TBC1D9: variants seen among roughly 807,000 people sequenced by gnomAD.
TBC1D9 encodes the protein TBC1 domain family member 9A.
Under a neutral mutation model 132.0 loss-of-function variants are expected in TBC1D9, and 63 were observed. That is an observed-to-expected ratio of 0.48 (90% CI 0.39 to 0.59). The LOEUF (loss-of-function observed/expected upper bound fraction) is 0.59. Ranked by LOEUF, TBC1D9 falls within the 20% of genes least tolerant of loss-of-function variation. The pLI, the probability that TBC1D9 is intolerant of heterozygous loss-of-function variation, is 0.00. For missense variants in TBC1D9, 1,261 were observed against 1,592.7 expected (o/e 0.79, Z 3.54); for synonymous variants, 610 against 609.9 (o/e 1.00, Z 0.00).
chr4:140,630,449 T>A (rs1434244962), intron 16 of TBC1D9, among the ~76,000 whole-genome samples: 1 of 152,214 alleles, frequency 6.6e-6, no homozygotes, highest in African/African-American at 2.4e-5. Context: ...TGCCCAGATA[T>A]CTGCATTGTC....
At chr4:140,709,474 T>G (rs1336915384) in intron 1 of TBC1D9, among the ~76,000 whole-genome samples, 1 of 150,820 alleles carries the variant, frequency 6.6e-6, no homozygotes, top group African/African-American at 2.4e-5. Context: ...ACTGACACTT[T>G]TGTAAAAATA....
At position 140,669,579 on chromosome 4, in the gene TBC1D9, G is replaced by A. The variant is rs1737502121; in HGVS notation, c.1437+55C>T. On this transcript the variant is annotated intron_variant, in intron 8 of 20. Coordinates refer to ENST00000442267, the MANE Select transcript of TBC1D9 (RefSeq NM_015130.3). ...GAATTTACTTACAGTAAAAAATATTGTTAATGGCATTGTTCAAATCTACAA... is the reference window on the plus strand; with the variant it reads ...GAATTTACTTACAGTAAAAAATATTATTAATGGCATTGTTCAAATCTACAA... 3.3e-6 allele frequency: 5 copies of A among 1,536,870 alleles called. No individual in the cohort carries two copies. In the Admixed American group the frequency reaches 7.4e-5, roughly 23 times the overall value.
chr4:140,639,930 G>A (rs1011584053), intron 13 of TBC1D9, among the ~76,000 whole-genome samples: 5 of 152,120 alleles, frequency 3.3e-5, no homozygotes, highest in East Asian at 1.9e-4. Flanking sequence ...AAGCTCCTTC[G>A]TACCCCCTAA....
chr4:140,624,353 C>G lies in TBC1D9; in HGVS notation c.2935G>C (p.Asp979His). Residue 979 changes from aspartate (D) to histidine (H), a missense_variant, in exon 19 of 21, where the codon GAT becomes CAT. This residue lies in a region of TBC1D9 where 618 missense variants were observed against 724.4 expected (regional missense o/e 0.85). Coordinates refer to ENST00000442267, the MANE Select transcript of TBC1D9 (RefSeq NM_015130.3). ...AGGCTCACCGTAACAAAGCCATCAT[C>G]TGCACCCTGTTTGCTTCTGCTATCC... Reference protein sequence around the residue: ...GLDSRSKQGADDGFVTVSLKP... With the variant: ...GLDSRSKQGAHDGFVTVSLKP... 1 of 1,613,852 alleles carries G rather than the reference C, an allele frequency of 6.2e-7. No individual in the cohort carries two copies. Among genetic ancestry groups the G allele is most frequent in the Non-Finnish European group, 8.5e-7 (1 of 1,179,854 alleles).
chr4:140,749,107 T>C (rs1239695793), intron 1 of TBC1D9, among the ~76,000 whole-genome samples: 1 of 152,046 alleles, frequency 6.6e-6, no homozygotes, highest in Non-Finnish European at 1.5e-5. Flanking sequence ...GACTGACACC[T>C]CTAATATCAG....
In TBC1D9 at chr4:140,670,493, T is replaced by G. The variant is rs577534082; in HGVS notation, c.1266+227A>C. 31 of 526,052 alleles carry G rather than the reference T, an allele frequency of 5.9e-5. 1 individual carries two copies. In the South Asian group the frequency reaches 6.4e-4, roughly 11 times the overall value. 32.6% of individuals were successfully genotyped at this position (526,052 alleles called of 1,614,324 possible). A position where few individuals can be genotyped will look rare whatever the true frequency, so the allele number is the denominator to read the frequency against. ...TAACTAGAACAGATTACTTAAGAATTTCTTCAACTATAAAATAAAAGTGTT... is the reference window on the plus strand; with the variant it reads ...TAACTAGAACAGATTACTTAAGAATGTCTTCAACTATAAAATAAAAGTGTT... On this transcript the variant is annotated intron_variant, in intron 7 of 20. Coordinates refer to ENST00000442267, the MANE Select transcript of TBC1D9 (RefSeq NM_015130.3).
intron 1 of TBC1D9, among the ~76,000 whole-genome samples, chr4:140,707,360 C>G (rs1738165101): frequency 6.6e-6 from 1 of 152,194 alleles, no homozygotes; most frequent in Non-Finnish European, 1.5e-5. Flanking sequence ...GATTTCCATT[C>G]ATTTCAGCAA....
intron 2 of TBC1D9, among the ~76,000 whole-genome samples, chr4:140,696,854 G>A (rs138723922): frequency 3.3e-5 from 5 of 152,312 alleles, no homozygotes; most frequent in Admixed American, 2.6e-4. Context: ...ATTATCTGCA[G>A]AAGTTTCTTT....
chr4:140,637,383 A>G (rs1472535013), intron 15 of TBC1D9, among the ~76,000 whole-genome samples: 2 of 151,796 alleles, frequency 1.3e-5, no homozygotes, highest in Non-Finnish European at 1.5e-5. Flanking sequence ...TGTGATTTCA[A>G]TGACTACCAG....
At chr4:140,663,984 C>G (rs1737404813) in intron 9 of TBC1D9, among the ~76,000 whole-genome samples, 1 of 145,824 alleles carries the variant, frequency 6.9e-6, no homozygotes, top group South Asian at 2.2e-4. Context: ...GTATTGTATA[C>G]TTGAAATTTG....
intron 2 of TBC1D9, among the ~76,000 whole-genome samples, chr4:140,693,317 G>T (rs961359305): frequency 6.6e-6 from 1 of 152,144 alleles, no homozygotes; most frequent in African/African-American, 2.4e-5. Flanking sequence ...TGTTTTACAA[G>T]TGCAGTGAGT....
chr4:140,663,343 A>G (rs1737395050), intron 9 of TBC1D9, among the ~76,000 whole-genome samples: 1 of 152,218 alleles, frequency 6.6e-6, no homozygotes, highest in Non-Finnish European at 1.5e-5. Context: ...CTACAATGAA[A>G]TACCACCTCA....
Position 140,622,423 on chromosome 4 carries a change from C to A in TBC1D9, c.3573G>T (p.Arg1191=). 6.2e-7 allele frequency: 1 copy of A among 1,613,638 alleles called. No homozygotes were observed. The highest frequency in any genetic ancestry group is 2.2e-5 in the East Asian group (1 of 44,878). ...EDIGEDTVLV[R]SGQGTAALPR... ...GCAGTGCCGCCGTGCCCTGGCCGCT[C>A]CGCACCAGGACCGTGTCCTCTCCGA... The change falls in exon 21 of 21, where the codon CGG becomes CGT. Residue 1191 remains arginine, a synonymous_variant. Coordinates refer to ENST00000442267, the MANE Select transcript of TBC1D9 (RefSeq NM_015130.3).
intron 4 of TBC1D9, among the ~76,000 whole-genome samples, 196 bp downstream of exon 4, chr4:140,679,419 C>T (rs943815368): frequency 3.3e-5 from 5 of 151,998 alleles, no homozygotes; most frequent in Admixed American, 3.3e-4. Flanking sequence ...ATTAATTACA[C>T]CTTTAGTGAA....
chr4:140,623,803 C>T (rs181057164), intron 20 of TBC1D9, among the ~76,000 whole-genome samples: 64 of 152,216 alleles, frequency 4.2e-4, no homozygotes, highest in Admixed American at 1.0e-3. Flanking sequence ...TAGCTAAGCA[C>T]GGTGATCTGA....
rs758433799 is a variant in TBC1D9, at chr4:140,622,408, C to T, written c.3588G>A (p.Thr1196=). Reference sequence around the variant, plus strand: ...GGCTGGTGCTCCGGGGCAGTGCCGCCGTGCCCTGGCCGCTCCGCACCAGGA... The same window carrying T: ...GGCTGGTGCTCCGGGGCAGTGCCGCTGTGCCCTGGCCGCTCCGCACCAGGA... ...DTVLVRSGQG[T]AALPRSTSLD... is the part of the protein sequence containing the mutation. Residue 1196 remains threonine, a synonymous_variant, in exon 21 of 21, where the codon ACG becomes ACA. Transcript: ENST00000442267. 6.2e-6 allele frequency: 10 copies of T among 1,613,006 alleles called. No homozygotes were observed. Among genetic ancestry groups the T allele is most frequent in the Middle Eastern group, 1.6e-4 (1 of 6,078 alleles).
At chr4:140,755,656 C>T (rs531584851) in intron 1 of TBC1D9, among the ~76,000 whole-genome samples, 2 of 152,304 alleles carry the variant, frequency 1.3e-5, no homozygotes, top group African/African-American at 4.8e-5. Context: ...GCCCCAGACT[C>T]ACTCTTTCCC....
At chr4:140,625,721 A>G (rs1736695466) in intron 18 of TBC1D9, among the ~76,000 whole-genome samples, 1 of 152,242 alleles carries the variant, frequency 6.6e-6, no homozygotes, top group African/African-American at 2.4e-5. Context: ...CACATTTTCA[A>G]AGAAATTTTA....
At chr4:140,723,112 T>C (rs1578856496) in intron 1 of TBC1D9, among the ~76,000 whole-genome samples, 1 of 152,346 alleles carries the variant, frequency 6.6e-6, no homozygotes, top group South Asian at 2.1e-4. Flanking sequence ...TTATGGCATC[T>C]TGAATTACAA....
Sources: allele counts gnomAD v4.1 joint callset (sites outside exome capture counted in the v4.1 genomes callset), GRCh38; gene constraint gnomAD v4.1.1; regional missense constraint gnomAD v4.1.1; transcripts MANE v1.5; gene names NCBI Gene and HGNC (gene_info 2026-07-23, HGNC 2026-07-21).